TIPARP: variants seen among roughly 807,000 people sequenced by gnomAD.
The protein encoded by TIPARP is protein mono-ADP-ribosyltransferase TIPARP.
A neutral mutation model predicts 56.5 loss-of-function variants in TIPARP; 12 were observed. That is an observed-to-expected ratio of 0.21 (90% CI 0.14 to 0.34). TIPARP has a LOEUF of 0.34. Ranked by LOEUF, TIPARP falls within the 10% of genes least tolerant of loss-of-function variation. TIPARP has a pLI of 1.00. For missense variants in TIPARP, 604 were observed against 781.6 expected (o/e 0.77, Z 2.71); for synonymous variants, 296 against 265.7 (o/e 1.11, Z -1.11).
chr3:156,688,560 A>G (rs1722491296), intron 2 of TIPARP, among the ~76,000 whole-genome samples: 1 of 151,906 alleles, frequency 6.6e-6, no homozygotes, highest in Non-Finnish European at 1.5e-5. Flanking sequence ...AACAGAATAA[A>G]CAATAGTTTT....
In TIPARP at chr3:156,678,161, C is replaced by T; in HGVS notation, c.464C>T (p.Thr155Ile). 1 of 1,614,140 alleles carries T rather than the reference C, an allele frequency of 6.2e-7. No homozygotes were observed. The highest frequency in any genetic ancestry group is 1.1e-5 in the South Asian group (1 of 91,088). The change falls in exon 2 of 6, where the codon ACA becomes ATA. Residue 155 changes from threonine to isoleucine, a missense_variant. By Grantham distance (89) the Thr-to-Ile change is moderately conservative. This residue lies in a region of TIPARP where 261 missense variants were observed against 279.2 expected (regional missense o/e 0.93). Coordinates refer to ENST00000295924, the MANE Select transcript of TIPARP (RefSeq NM_015508.5). The stretch of plus-strand genomic sequence containing the variant: ...CTCAGTGGGACGGTGGCAGATTCCA[C>T]ACCAGCTCACTTCCAGACTGATCTT... ...ETLSGTVADSTPAHFQTDLLH... is the reference protein window; with the variant it reads ...ETLSGTVADSIPAHFQTDLLH...
At chr3:156,692,244 A>G (rs530983283) in intron 2 of TIPARP, among the ~76,000 whole-genome samples, 2 of 152,292 alleles carry the variant, frequency 1.3e-5, no homozygotes, top group South Asian at 2.1e-4. Context: ...TCACTTCCCA[A>G]TCATAACATC....
intron 2 of TIPARP, among the ~76,000 whole-genome samples, chr3:156,693,385 T>C (rs1018752589): frequency 9.9e-5 from 15 of 152,180 alleles, no homozygotes; most frequent in African/African-American, 3.4e-4. Context: ...GTCGACCAGA[T>C]AATAAGATGA....
At chr3:156,682,560 G>A (rs994467115) in intron 2 of TIPARP, among the ~76,000 whole-genome samples, 3 of 152,216 alleles carry the variant, frequency 2.0e-5, no homozygotes, top group Non-Finnish European at 4.4e-5. Flanking sequence ...AGCATATACT[G>A]TTACAGTCCC....
At chr3:156,700,436 TA>T (rs923369218) in intron 4 of TIPARP, among the ~76,000 whole-genome samples, 28 of 147,896 alleles carry the variant, frequency 1.9e-4, no homozygotes, top group African/African-American at 2.5e-4. Flanking sequence ...ATGCAAAGGA[TA>T]AAAAAAAAAT....
rs1722702191 is a variant in TIPARP, at chr3:156,695,863, A to T, written c.1087-2A>T. 8 of 1,405,092 alleles carry T rather than the reference A, an allele frequency of 5.7e-6. No individual in the cohort carries two copies. Among genetic ancestry groups the T allele is most frequent in the Middle Eastern group, 2.0e-4 (1 of 5,128 alleles). 87.0% of individuals were successfully genotyped at this position (1,405,092 alleles called of 1,614,324 possible). A position where few individuals can be genotyped will look rare whatever the true frequency, so the allele number is the denominator to read the frequency against. Reference sequence around the variant, plus strand: ...TTTTTTGTTCTGTTTTCTCCTCCATAGTCTGTCATTCGATTGATTGAAGAA... The same window carrying T: ...TTTTTTGTTCTGTTTTCTCCTCCATTGTCTGTCATTCGATTGATTGAAGAA... On this transcript the variant is annotated splice_acceptor_variant, in intron 3 of 5. Coordinates refer to ENST00000295924, the MANE Select transcript of TIPARP (RefSeq NM_015508.5). LOFTEE classifies it high-confidence loss of function.
intron 4 of TIPARP, among the ~76,000 whole-genome samples, chr3:156,696,724 T>A (rs1257414720): frequency 1.3e-5 from 2 of 152,194 alleles, no homozygotes; most frequent in African/African-American, 4.8e-5. Context: ...ACCATTCACA[T>A]GGCCACCTTT....
intron 4 of TIPARP, among the ~76,000 whole-genome samples, 186 bp downstream of exon 4, chr3:156,696,211 T>C (rs1212727412): frequency 2.0e-5 from 3 of 152,188 alleles, no homozygotes; most frequent in Non-Finnish European, 4.4e-5. Flanking sequence ...ATAAATCCAG[T>C]TACACTAGAA....
intron 5 of TIPARP, among the ~76,000 whole-genome samples, chr3:156,704,148 A>G (rs149302726): frequency 1.9e-3 from 291 of 152,242 alleles, no homozygotes; most frequent in African/African-American, 6.7e-3. Flanking sequence ...TAATCCTCAT[A>G]ACAGACATAA....
At chr3:156,684,734 G>A (rs1337740703) in intron 2 of TIPARP, among the ~76,000 whole-genome samples, 1 of 152,156 alleles carries the variant, frequency 6.6e-6, no homozygotes, top group Non-Finnish European at 1.5e-5. Context: ...GCCCAGTGAT[G>A]TGAAGGAATT....
At chr3:156,698,793 C>T (rs1722780230) in intron 4 of TIPARP, among the ~76,000 whole-genome samples, 1 of 152,194 alleles carries the variant, frequency 6.6e-6, no homozygotes. Context: ...AAGGCTATAG[C>T]TGCCATACAT....
intron 2 of TIPARP, among the ~76,000 whole-genome samples, chr3:156,683,247 A>C (rs1325199457): frequency 6.6e-6 from 1 of 152,158 alleles, no homozygotes; most frequent in African/African-American, 2.4e-5. Flanking sequence ...TGCATGATAC[A>C]TTATATATTT....
At chr3:156,699,237 T>C (rs1722788651) in intron 4 of TIPARP, among the ~76,000 whole-genome samples, 1 of 152,240 alleles carries the variant, frequency 6.6e-6, no homozygotes, top group Non-Finnish European at 1.5e-5. Flanking sequence ...CAGCAAGGTT[T>C]GGGAGGATTG....
Position 156,704,730 on chromosome 3 carries a change from A to G in TIPARP, c.1573A>G (p.Ile525Val). ...GAAAATGTTTGGCCGTGACAGGATA[A>G]TAAATGAGAGACATTTATTTCATGG... ...NRKMFGRDRI[I>V]NERHLFHGTS... Residue 525 changes from isoleucine to valine, a missense_variant, in exon 6 of 6, where the codon ATA (isoleucine) becomes GTA (valine). This residue lies in a region of TIPARP where 252 missense variants were observed against 303.9 expected (regional missense o/e 0.83). Coordinates refer to ENST00000295924, the MANE Select transcript of TIPARP (RefSeq NM_015508.5). 1 of 1,614,230 alleles carries G rather than the reference A, an allele frequency of 6.2e-7. No individual in the cohort carries two copies. Among genetic ancestry groups the G allele is most frequent in the East Asian group, 2.2e-5 (1 of 44,894 alleles).
rs532925719 is a variant in TIPARP, at chr3:156,705,279, T to C, written c.*148T>C. 4.6e-4 allele frequency: 250 copies of C among 546,614 alleles called. 2 individuals carry two copies. The highest frequency in any genetic ancestry group is 4.3e-3 in the African/African-American group (230 of 52,950). 33.9% of individuals were successfully genotyped at this position (546,614 alleles called of 1,614,324 possible). ...TTTTTAAAGTGCTAGAAAATGCTTT[T>C]TTTAAAAAAAAAATACAAGTTTTAA... On this transcript the variant is annotated 3_prime_UTR_variant, in exon 6 of 6. Transcript: ENST00000295924.
At chr3:156,697,878 A>G (rs765801895) in intron 4 of TIPARP, among the ~76,000 whole-genome samples, 2 of 152,186 alleles carry the variant, frequency 1.3e-5, no homozygotes, top group Non-Finnish European at 1.5e-5. Context: ...TTAGTGGGGA[A>G]GGCATGTTGA....
rs1722937427 is a variant in TIPARP at position 156,704,714 on chromosome 3, T to G, written c.1557T>G (p.Phe519Leu). 1.9e-6 allele frequency: 3 copies of G among 1,613,816 alleles called. No homozygotes were observed. The African/African-American group carries it at 4.0e-5, about 22-fold the overall frequency. Residue 519 changes from phenylalanine (F) to leucine (L), a missense_variant, in exon 6 of 6, where the codon TTT (phenylalanine) becomes TTG (leucine). This residue lies in a region of TIPARP where 252 missense variants were observed against 303.9 expected (regional missense o/e 0.83). Transcript: ENST00000295924. ...RKKEYMNRKM[F>L]GRDRIINERH... ...AGGAATATATGAACAGGAAAATGTT[T>G]GGCCGTGACAGGATAATAAATGAGA... is the stretch of plus-strand genomic sequence containing the variant.
chr3:156,695,380 A>ATTTTTAT (rs1412003299), intron 3 of TIPARP, among the ~76,000 whole-genome samples: 5 of 151,774 alleles, frequency 3.3e-5, no homozygotes, highest in African/African-American at 1.2e-4. Flanking sequence ...TACTCAACTA[A>ATTTTTAT]TTTTTATTTT....
In TIPARP at chr3:156,695,846, T is replaced by TTTTTTTTTTTTTTCTTC; in HGVS notation, c.1087-19_1087-18insTTTTTTTTTTTTTCTTC. On this transcript the variant is annotated intron_variant, in intron 3 of 5. Transcript: ENST00000295924. ...CTTTCCTTTTTTTTTTTTTTTTTGT[T>TTTTTTTTTTTTTTCTTC]CTGTTTTCTCCTCCATAGTCTGTCA... The TTTTTTTTTTTTTTCTTC allele has an allele frequency of 1.4e-6, 2 of 1,401,054 alleles. No homozygotes were observed. Among genetic ancestry groups the TTTTTTTTTTTTTTCTTC allele is most frequent in the South Asian group, 3.1e-5 (2 of 63,530 alleles). The allele number at this position is 1,401,054 out of a possible 1,614,324, so 86.8% of individuals were successfully genotyped here.
Sources: gnomAD v4.1 joint callset for allele counts (sites outside exome capture counted in the v4.1 genomes callset) on GRCh38, gnomAD v4.1.1 for gene constraint, gnomAD v4.1.1 regional missense constraint, MANE v1.5 for transcripts, NCBI Gene and HGNC (gene_info 2026-07-23, HGNC 2026-07-21) for gene names.